BBS9: variants seen among roughly 807,000 people sequenced by gnomAD.
BBS9 encodes protein PTHB1.
A neutral mutation model predicts 117.7 loss-of-function variants in BBS9; 89 were observed. The observed-to-expected ratio is 0.76, with a 90% CI of 0.64 to 0.90. The LOEUF (loss-of-function observed/expected upper bound fraction) is 0.90, where lower values mean the gene tolerates loss of function less well. Ranked by LOEUF, BBS9 falls within the 40% of genes least tolerant of loss-of-function variation. BBS9 has a pLI of 0.00. For synonymous variants in BBS9, 379 were observed against 370.9 expected (o/e 1.02, Z -0.25); for missense variants, 982 against 1,042.2 (o/e 0.94, Z 0.80).
intron 19 of BBS9, among the ~76,000 whole-genome samples, chr7:33,427,233 T>C (rs12154760): frequency 0.086 from 13,114 of 152,258 alleles, 601 homozygotes; most frequent in South Asian, 0.15. Context: ...CTAGCAGTCT[T>C]GAATCTTTTG....
intron 4 of BBS9, among the ~76,000 whole-genome samples, chr7:33,162,398 T>C (rs1157618660): frequency 6.6e-6 from 1 of 152,230 alleles, no homozygotes; most frequent in Non-Finnish European, 1.5e-5. Flanking sequence ...GGTAATGGCA[T>C]TGAATCTATA....
intron 20 of BBS9, among the ~76,000 whole-genome samples, chr7:33,524,809 C>T (rs1453687990): frequency 2.0e-5 from 3 of 152,058 alleles, no homozygotes; most frequent in Non-Finnish European, 4.4e-5. Flanking sequence ...TGTGTTTGCT[C>T]TTGCTTTTCT....
chr7:33,177,742 C>CT, intron 5 of BBS9, 151 bp downstream of exon 5: 1 of 667,218 alleles, frequency 1.5e-6, no homozygotes, highest in South Asian at 1.6e-5. Context: ...CCAAGCAAGT[C>CT]TATGGCCATA....
At chr7:33,386,721 C>G (rs1277395952) in intron 18 of BBS9, among the ~76,000 whole-genome samples, 1 of 151,912 alleles carries the variant, frequency 6.6e-6, no homozygotes, top group Non-Finnish European at 1.5e-5. Flanking sequence ...GTCTCGATCT[C>G]CTGACCTCGT....
At chr7:33,188,111 T>G (rs867777346) in intron 5 of BBS9, among the ~76,000 whole-genome samples, 1 of 4,998 alleles carries the variant, frequency 2.0e-4, no homozygotes, top group Non-Finnish European at 4.2e-4. Flanking sequence ...TGTGTGTGTG[T>G]GGCGGGTGGG....
intron 9 of BBS9, among the ~76,000 whole-genome samples, chr7:33,332,301 C>G (rs1234428197): frequency 6.6e-6 from 1 of 152,144 alleles, no homozygotes; most frequent in Non-Finnish European, 1.5e-5. Context: ...AAAATCAACT[C>G]AAGATGAATC....
chr7:33,238,395 A>C (rs1460923958), intron 5 of BBS9, among the ~76,000 whole-genome samples: 1 of 152,114 alleles, frequency 6.6e-6, no homozygotes, highest in Admixed American at 6.5e-5. Flanking sequence ...GTTTCAAGCA[A>C]TTCTCCTGCC....
At chr7:33,542,743 GTA>G (rs139790667) in intron 21 of BBS9, among the ~76,000 whole-genome samples, 67,164 of 145,294 alleles carry the variant, frequency 0.46, 16,364 homozygotes, top group South Asian at 0.58. Context: ...ATATGTGTGT[GTA>G]TATATATATA....
chr7:33,480,388 A>G (rs187545860), intron 19 of BBS9, among the ~76,000 whole-genome samples: 2 of 152,302 alleles, frequency 1.3e-5, no homozygotes, highest in East Asian at 3.9e-4. Flanking sequence ...AATGGGGGAG[A>G]AAGACGTGTC....
chr7:33,617,655 G>A (rs1372192150), intron 21 of BBS9, among the ~76,000 whole-genome samples: 1 of 152,070 alleles, frequency 6.6e-6, no homozygotes, highest in African/African-American at 2.4e-5. Flanking sequence ...ACAAAATTGG[G>A]AAAACAATGC....
chr7:33,502,438 A>G (rs1307451695), intron 19 of BBS9, among the ~76,000 whole-genome samples: 4 of 152,220 alleles, frequency 2.6e-5, no homozygotes, highest in Non-Finnish European at 4.4e-5. Flanking sequence ...TGTTTCCAAC[A>G]TATGGATACA....
intron 21 of BBS9, among the ~76,000 whole-genome samples, chr7:33,540,591 C>A (rs985687070): frequency 4.6e-5 from 7 of 152,096 alleles, no homozygotes; most frequent in Non-Finnish European, 1.0e-4. Context: ...TGTAAAAAGG[C>A]CCCGTGATAG....
At chr7:33,543,396 A>G (rs1271761480) in intron 21 of BBS9, among the ~76,000 whole-genome samples, 1 of 150,078 alleles carries the variant, frequency 6.7e-6, no homozygotes, top group Non-Finnish European at 1.5e-5. Flanking sequence ...ATTTTCTCCC[A>G]CTCTGTGGGT....
At position 33,426,220 on chromosome 7, in the gene BBS9, G is replaced by A. The variant is rs1466045037; in HGVS notation, c.2115+38076G>A. Among the ~76,000 whole-genome samples the A allele has an allele frequency of 2.0e-5, 3 of 152,244 alleles. No homozygotes were observed. In the East Asian group the frequency reaches 5.8e-4, roughly 29 times the overall value. On this transcript the variant is annotated intron_variant, in intron 19 of 22. Transcript: ENST00000242067. Reference sequence around the variant, plus strand: ...TTACAACAAAGAGGGTTCTGTAAATGCACCATGATAAAAATGGCAAATACT... The same window carrying A: ...TTACAACAAAGAGGGTTCTGTAAATACACCATGATAAAAATGGCAAATACT...
intron 9 of BBS9, among the ~76,000 whole-genome samples, chr7:33,288,757 A>G (rs1458780969): frequency 6.6e-6 from 1 of 152,216 alleles, no homozygotes; most frequent in African/African-American, 2.4e-5. Flanking sequence ...CTAAGAATTT[A>G]TATGATGATA....
chr7:33,134,001 G>A (rs968291059), intron 1 of BBS9, among the ~76,000 whole-genome samples: 2 of 152,124 alleles, frequency 1.3e-5, no homozygotes, highest in Admixed American at 6.6e-5. Context: ...TAGTAGGTGT[G>A]AAGTCATATC....
chr7:33,406,981 T>A (rs1584698817), intron 19 of BBS9, among the ~76,000 whole-genome samples: 1 of 151,860 alleles, frequency 6.6e-6, no homozygotes, highest in East Asian at 1.9e-4. Context: ...AATGTTGGCC[T>A]GCCTTGCTAG....
intron 15 of BBS9, among the ~76,000 whole-genome samples, chr7:33,354,477 G>A (rs1050605886): frequency 2.0e-5 from 3 of 152,102 alleles, no homozygotes; most frequent in Non-Finnish European, 2.9e-5. Flanking sequence ...AGCACAGTAC[G>A]TAGCCAGACA....
At chr7:33,456,657 T>G (rs1563201635) in intron 19 of BBS9, among the ~76,000 whole-genome samples, 2 of 152,030 alleles carry the variant, frequency 1.3e-5, no homozygotes, top group African/African-American at 2.4e-5. Context: ...TATGGGTAAA[T>G]AAGTGTCTCT....
Sources: gnomAD v4.1 joint callset for allele counts (sites outside exome capture counted in the v4.1 genomes callset) on GRCh38, gnomAD v4.1.1 for gene constraint, MANE v1.5 for transcripts, NCBI Gene and HGNC (gene_info 2026-07-23, HGNC 2026-07-21) for gene names.